The following ZFP91 variants were observed in gnomAD, a reference collection of about 807,000 sequenced individuals.
The protein encoded by ZFP91 is ZFP91 zinc finger protein, atypical E3 ubiquitin ligase, also known as E3 ubiquitin-protein ligase ZFP91.
A neutral mutation model predicts 63.5 loss-of-function variants in ZFP91; 7 were observed. That is an observed-to-expected ratio of 0.11 (90% CI 0.06 to 0.21). ZFP91 has a LOEUF of 0.21. Among genes scored for constraint, ZFP91 ranks in the 10% least tolerant of loss-of-function variants. The probability of loss-of-function intolerance (pLI) is 1.00; values close to 1 mark genes in which losing one functional copy is unlikely to be tolerated. For synonymous variants in ZFP91, 330 were observed against 272.1 expected, an observed-to-expected ratio of 1.21 and a Z score of -2.10; for missense variants, 628 against 736.6, an observed-to-expected ratio of 0.85 and a Z score of 1.71.
intron 2 of ZFP91, among the ~76,000 whole-genome samples, chr11:58,598,176 G>A (rs992685884): frequency 2.2e-4 from 33 of 152,156 alleles, no homozygotes; most frequent in African/African-American, 7.2e-4. Flanking sequence ...ACATTTCTCT[G>A]GACTTTGGAT....
Position 58,617,874 on chromosome 11 carries a change from C to A in ZFP91, c.*168C>A, listed in dbSNP as rs774936853. 38 of 820,532 alleles carry A rather than the reference C, an allele frequency of 4.6e-5. No homozygotes were observed. The highest frequency in any genetic ancestry group is 6.0e-5 in the Non-Finnish European group (36 of 602,766). 50.8% of individuals were successfully genotyped at this position (820,532 alleles called of 1,614,324 possible). ...TACATACACCCTCCACCTCCCCATC[C>A]CCTGTTCTCCCTCTGTTGCTCCCCT... is the stretch of plus-strand genomic sequence containing the variant. On this transcript the variant is annotated 3_prime_UTR_variant, in exon 11 of 11. Transcript: ENST00000316059. The surrounding 1 kb of genome is among the most constrained non-coding windows in gnomAD (Gnocchi z 4.2).
chr11:58,616,419 T>C (rs1042203529), intron 9 of ZFP91, among the ~76,000 whole-genome samples: 4 of 152,204 alleles, frequency 2.6e-5, no homozygotes, highest in Admixed American at 2.6e-4. Context: ...AACCACTTGG[T>C]ATCCAAGACC....
At chr11:58,592,217 G>T (rs1855319826) in intron 2 of ZFP91, among the ~76,000 whole-genome samples, 1 of 151,374 alleles carries the variant, frequency 6.6e-6, no homozygotes, top group Admixed American at 6.6e-5. Context: ...TGATTAGCTG[G>T]GATTAGAGGT....
chr11:58,592,404 A>G (rs1053302296), intron 2 of ZFP91, among the ~76,000 whole-genome samples: 1 of 151,916 alleles, frequency 6.6e-6, no homozygotes, highest in African/African-American at 2.4e-5. Context: ...CCTTTTCTTT[A>G]TCCACTTCAT....
chr11:58,602,077 C>T (rs1341709504), intron 2 of ZFP91, among the ~76,000 whole-genome samples: 1 of 152,080 alleles, frequency 6.6e-6, no homozygotes, highest in Non-Finnish European at 1.5e-5. Context: ...CACACGCCAC[C>T]ATGCCCGGCT....
chr11:58,610,443 A>T (rs1216334891), intron 4 of ZFP91, 109 bp downstream of exon 4: 12 of 1,090,380 alleles, frequency 1.1e-5, no homozygotes, highest in Non-Finnish European at 1.5e-5. Flanking sequence ...CTGTAAGAGA[A>T]ATTAACTTCA....
chr11:58,610,021 A>G lies in ZFP91; in HGVS notation c.562A>G (p.Thr188Ala). ...GCTCATTTGCAAGTCAGAACCAAATACAGACCAACTTGATTATGGTACAGT... is the reference window on the plus strand; with the variant it reads ...GCTCATTTGCAAGTCAGAACCAAATGCAGACCAACTTGATTATGGTACAGT... ...LQLICKSEPN[T>A]DQLDYDVGEE... The change falls in exon 3 of 11, where the codon ACA becomes GCA. Residue 188 changes from threonine to alanine, a missense_variant. Around this residue, in one of 3 missense-constraint regions of ZFP91, gnomAD observed 437 missense variants for 380.3 expected, o/e 1.15. Coordinates refer to ENST00000316059, the MANE Select transcript of ZFP91 (RefSeq NM_053023.5). 6.2e-7 allele frequency: 1 copy of G among 1,614,220 alleles called. No homozygotes were observed. Among genetic ancestry groups the G allele is most frequent in the Middle Eastern group, 1.7e-4 (1 of 6,060 alleles).
intron 2 of ZFP91, among the ~76,000 whole-genome samples, chr11:58,587,091 T>C (rs112181594): frequency 1.3e-5 from 2 of 152,110 alleles, no homozygotes; most frequent in East Asian, 1.9e-4. Flanking sequence ...AGTTGCAAAG[T>C]TGCAACTTAA....
rs1272662911 is a variant in ZFP91 at position 58,584,904 on chromosome 11, A to G, written c.370+20A>G. ...ATAAAGGTAAGACTTGGTCATCCTTACCTCTAGCGTACATTACACTGATTA... is the reference window on the plus strand; with the variant it reads ...ATAAAGGTAAGACTTGGTCATCCTTGCCTCTAGCGTACATTACACTGATTA... On this transcript the variant is annotated intron_variant, in intron 2 of 10. Coordinates refer to ENST00000316059, the MANE Select transcript of ZFP91 (RefSeq NM_053023.5). 2 of 1,508,440 alleles carry G rather than the reference A, an allele frequency of 1.3e-6. No individual in the cohort carries two copies. Among genetic ancestry groups the G allele is most frequent in the Non-Finnish European group, 1.8e-6 (2 of 1,136,138 alleles). 93.4% of individuals were successfully genotyped at this position (1,508,440 alleles called of 1,614,324 possible). A position where few individuals can be genotyped will look rare whatever the true frequency, so the allele number is the denominator to read the frequency against.
At chr11:58,585,677 G>T (rs1855195512) in intron 2 of ZFP91, among the ~76,000 whole-genome samples, 1 of 151,980 alleles carries the variant, frequency 6.6e-6, no homozygotes, top group Non-Finnish European at 1.5e-5. Context: ...TCTGCTTATA[G>T]CCTGCTACTA....
At chr11:58,607,865 T>C (rs1367513454) in intron 2 of ZFP91, among the ~76,000 whole-genome samples, 1 of 152,130 alleles carries the variant, frequency 6.6e-6, no homozygotes, top group Non-Finnish European at 1.5e-5. Context: ...ATTTAAGCAC[T>C]TTATCTTTGA....
intron 2 of ZFP91, among the ~76,000 whole-genome samples, chr11:58,590,345 C>A (rs1012498102): frequency 3.9e-5 from 6 of 152,190 alleles, no homozygotes; most frequent in African/African-American, 1.4e-4. Context: ...AACAAACCAT[C>A]TAAAAATTTA....
chr11:58,602,426 T>C (rs1470175352), intron 2 of ZFP91, among the ~76,000 whole-genome samples: 1 of 151,644 alleles, frequency 6.6e-6, no homozygotes, highest in East Asian at 2.0e-4. Flanking sequence ...ATGTATGTTA[T>C]ATGTTGATAT....
At chr11:58,602,412 T>C (rs982118631) in intron 2 of ZFP91, among the ~76,000 whole-genome samples, 2 of 151,992 alleles carry the variant, frequency 1.3e-5, no homozygotes, top group Non-Finnish European at 2.9e-5. Flanking sequence ...TGTAAATCTT[T>C]GCTATGTATG....
rs571185240 is a variant in ZFP91, at chr11:58,620,381, C to T, written c.*2675C>T. 7 of 152,302 alleles carry T rather than the reference C, an allele frequency of 4.6e-5. No individual in the cohort carries two copies. Among genetic ancestry groups the T allele is most frequent in the African/African-American group, 1.7e-4 (7 of 41,564 alleles). 9.4% of individuals were successfully genotyped at this position (152,302 alleles called of 1,614,324 possible). On this transcript the variant is annotated 3_prime_UTR_variant, in exon 11 of 11. Transcript: ENST00000316059. ...TACATTTCATGCTCTTAGTCAAATTCTGTTACCTTTTTAATAACTCTTCCC... is the reference window on the plus strand; with the variant it reads ...TACATTTCATGCTCTTAGTCAAATTTTGTTACCTTTTTAATAACTCTTCCC...
chr11:58,604,356 G>C (rs966369157), intron 2 of ZFP91, among the ~76,000 whole-genome samples: 2 of 152,112 alleles, frequency 1.3e-5, no homozygotes, highest in African/African-American at 4.8e-5. Context: ...TATAAGCCAA[G>C]TTGTTGACCA....
intron 2 of ZFP91, among the ~76,000 whole-genome samples, 153 bp downstream of exon 2, chr11:58,585,037 G>A (rs1236021247): frequency 6.6e-6 from 1 of 152,132 alleles, no homozygotes; most frequent in African/African-American, 2.4e-5. Flanking sequence ...ACGACAGCAC[G>A]TTTGGATAAT....
chr11:58,591,175 T>C (rs1486932169), intron 2 of ZFP91, among the ~76,000 whole-genome samples: 1 of 152,214 alleles, frequency 6.6e-6, no homozygotes, highest in Non-Finnish European at 1.5e-5. Context: ...ATTTTGACTT[T>C]AGCAGAAATT....
In ZFP91 at chr11:58,579,464, G is replaced by GGCCGCCGCC. The variant is rs570278763; in HGVS notation, c.189_197dup (p.Ala65_Ala67dup). On this transcript the variant is annotated inframe_insertion, in exon 1 of 11. Coordinates refer to ENST00000316059, the MANE Select transcript of ZFP91 (RefSeq NM_053023.5). ...GTCGGGACCGAGGCCGGGCCGCTGC[G>GGCCGCCGCC]GCCGCCGCCGCCGCAGCTGTGTCCC... is the stretch of plus-strand genomic sequence containing the variant. 16 of 1,460,954 alleles carry GGCCGCCGCC rather than the reference G, an allele frequency of 1.1e-5. No homozygotes were observed. Among genetic ancestry groups the GGCCGCCGCC allele is most frequent in the African/African-American group, 7.5e-5 (5 of 67,064 alleles). 90.5% of individuals were successfully genotyped at this position (1,460,954 alleles called of 1,614,324 possible). A position where few individuals can be genotyped will look rare whatever the true frequency, so the allele number is the denominator to read the frequency against.
Sources: gnomAD v4.1 joint callset for allele counts (sites outside exome capture counted in the v4.1 genomes callset) on GRCh38, gnomAD v4.1.1 for gene constraint, gnomAD v4.1.1 regional missense constraint, Gnocchi (gnomAD v3.1) non-coding constraint, MANE v1.5 for transcripts, NCBI Gene and HGNC (gene_info 2026-07-23, HGNC 2026-07-21) for gene names.